FREM1: variants seen among roughly 807,000 people sequenced by gnomAD.
The protein encoded by FREM1 is FRAS1 related extracellular matrix 1, also known as FRAS1-related extracellular matrix protein 1.
FREM1 carries 220 observed loss-of-function variants against 210.1 expected under a neutral mutation model. The observed-to-expected ratio is 1.05, with a 90% CI of 0.94 to 1.17. FREM1 has a LOEUF of 1.17. Ranked by LOEUF, FREM1 falls within the 50% of genes most tolerant of loss-of-function variation. The pLI, the probability that FREM1 is intolerant of heterozygous loss-of-function variation, is 0.00. For synonymous variants in FREM1, 1,189 were observed against 980.2 expected (o/e 1.21, Z -3.98); for missense variants, 3,454 against 2,675.5 (o/e 1.29, Z -6.42).
At chr9:14,753,231 T>C (rs1843699587) in intron 29 of FREM1, among the ~76,000 whole-genome samples, 1 of 152,220 alleles carries the variant, frequency 6.6e-6, no homozygotes, top group South Asian at 2.1e-4. Context: ...TATTCCACTT[T>C]ACAGAGTAGG....
At chr9:14,803,007 C>G (rs1817581323) in intron 19 of FREM1, among the ~76,000 whole-genome samples, 1 of 143,522 alleles carries the variant, frequency 7.0e-6, no homozygotes, top group Non-Finnish European at 1.5e-5. Context: ...CCCTCCCTTC[C>G]TCCCTCCCTT....
At chr9:14,762,243 T>C (rs1415043615) in intron 27 of FREM1, among the ~76,000 whole-genome samples, 1 of 151,492 alleles carries the variant, frequency 6.6e-6, no homozygotes, top group Non-Finnish European at 1.5e-5. Context: ...AAAGATGAAA[T>C]GGGAAGGAAA....
At chr9:14,893,166 T>C (rs1256778650) in intron 1 of FREM1, among the ~76,000 whole-genome samples, 1 of 125,542 alleles carries the variant, frequency 8.0e-6, no homozygotes, top group Non-Finnish European at 1.6e-5. Flanking sequence ...TTGACTTCTC[T>C]CTTTCTCTCT....
chr9:14,836,448 A>G lies in FREM1; in HGVS notation c.1881+4999T>C, dbSNP rs1030989965. Reference sequence around the variant, plus strand: ...TGCTGCTTTTGGATTAACACCTAGTAAAGGAAAGGAAAATCTACAGGTACT... The same window carrying G: ...TGCTGCTTTTGGATTAACACCTAGTGAAGGAAAGGAAAATCTACAGGTACT... On this transcript the variant is annotated intron_variant, in intron 10 of 36. Coordinates refer to ENST00000380880, the MANE Select transcript of FREM1 (RefSeq NM_001379081.2). The surrounding 1 kb of genome is among the most constrained non-coding windows in gnomAD (Gnocchi z 4.9). 2.0e-5 allele frequency among the ~76,000 whole-genome samples: 3 copies of G among 152,232 alleles called. No homozygotes were observed. Among genetic ancestry groups the G allele is most frequent in the African/African-American group, 7.2e-5 (3 of 41,464 alleles).
intron 35 of FREM1, among the ~76,000 whole-genome samples, chr9:14,744,253 G>T (rs1343866304): frequency 2.6e-5 from 4 of 151,760 alleles, no homozygotes; most frequent in Admixed American, 6.6e-5. Context: ...AAAAATCTGG[G>T]TATAATTTAC....
chr9:14,803,088 C>T lies in FREM1; in HGVS notation c.3472-1214G>A, dbSNP rs543358174. On this transcript the variant is annotated intron_variant, in intron 19 of 36. Coordinates refer to ENST00000380880, the MANE Select transcript of FREM1 (RefSeq NM_001379081.2). ...TTCTTTCTTTCTCTTTCCTTCCTTC[C>T]TCTCTTCTTCTCTTTCCCTCCCTCC... 2.2e-3 allele frequency among the ~76,000 whole-genome samples: 312 copies of T among 142,234 alleles called. 1 individual carries two copies. The highest frequency in any genetic ancestry group is 3.6e-3 in the Non-Finnish European group (235 of 65,618). 93.3% of individuals were successfully genotyped at this position (142,234 alleles called of 152,430 possible).
intron 8 of FREM1, among the ~76,000 whole-genome samples, chr9:14,843,408 TC>T (rs1826024900): frequency 6.6e-6 from 1 of 152,186 alleles, no homozygotes; most frequent in Admixed American, 6.5e-5. Context: ...TCCTGGGCTT[TC>T]CTGGTTCTCC....
intron 26 of FREM1, 26 bp downstream of exon 26, chr9:14,770,579 A>G (rs116570001): frequency 0.027 from 42,153 of 1,567,966 alleles, 683 homozygotes; most frequent in Non-Finnish European, 0.032. Context: ...TAAAATGGCA[A>G]TTGTAAGGAT....
chr9:14,740,862 G>A (rs1587622878), intron 35 of FREM1, among the ~76,000 whole-genome samples: 1 of 152,004 alleles, frequency 6.6e-6, no homozygotes, highest in Admixed American at 6.6e-5. Context: ...TATTTTTGCA[G>A]CTAACTGAGT....
chr9:14,863,753 T>C lies in FREM1; in HGVS notation c.329+56A>G, dbSNP rs1427363240. The stretch of plus-strand genomic sequence containing the variant: ...TACATATCCACAAGAAAAGCCCTCA[T>C]AAGAACACAGAATGGTTACTTGGCA... On this transcript the variant is annotated intron_variant, in intron 3 of 36. Transcript: ENST00000380880. 2.8e-6 allele frequency: 3 copies of C among 1,062,196 alleles called. No homozygotes were observed. In the South Asian group the frequency reaches 3.9e-5, roughly 14 times the overall value. 65.8% of individuals were successfully genotyped at this position (1,062,196 alleles called of 1,614,324 possible).
Position 14,886,154 on chromosome 9 carries a change from A to T in FREM1, c.-267-16910T>A, listed in dbSNP as rs576454791. On this transcript the variant is annotated intron_variant, in intron 1 of 36. Transcript: ENST00000380880. ...GTAATCCCAGCACTTTGGGAGACCA[A>T]GGTGGGCGGATCACGAGGTCAAGAG... is the stretch of plus-strand genomic sequence containing the variant. Among the ~76,000 whole-genome samples, 3 of 152,294 alleles carry T rather than the reference A, an allele frequency of 2.0e-5. No homozygotes were observed. The South Asian group carries it at 6.2e-4, about 32-fold the overall frequency.
intron 24 of FREM1, among the ~76,000 whole-genome samples, chr9:14,778,836 A>G (rs930614395): frequency 2.0e-5 from 3 of 150,490 alleles, no homozygotes. Context: ...CGAGCTCAGG[A>G]GTTTGAGACC....
At chr9:14,825,563 A>G (rs1483610459) in intron 10 of FREM1, among the ~76,000 whole-genome samples, 2 of 141,894 alleles carry the variant, frequency 1.4e-5, no homozygotes, top group South Asian at 2.2e-4. Flanking sequence ...ATATATATAT[A>G]TATATATACC....
At chr9:14,740,731 A>G (rs1363305671) in intron 35 of FREM1, among the ~76,000 whole-genome samples, 6 of 152,236 alleles carry the variant, frequency 3.9e-5, no homozygotes, top group Admixed American at 3.3e-4. Context: ...TGACTTCATT[A>G]TACTCAATGA....
chr9:14,791,832 T>C (rs1851385450), intron 22 of FREM1, among the ~76,000 whole-genome samples: 2 of 150,408 alleles, frequency 1.3e-5, no homozygotes, highest in Admixed American at 6.7e-5. Flanking sequence ...TTGTTTTGTT[T>C]TGTTTTGTTT....
At chr9:14,880,804 C>T (rs769596757) in intron 1 of FREM1, among the ~76,000 whole-genome samples, 8 of 152,116 alleles carry the variant, frequency 5.3e-5, no homozygotes, top group Non-Finnish European at 1.0e-4. Flanking sequence ...GATGCATCTT[C>T]TGACAGCCAG....
chr9:14,821,454 G>A (rs962215259), intron 13 of FREM1, among the ~76,000 whole-genome samples: 6 of 152,102 alleles, frequency 3.9e-5, no homozygotes, highest in Admixed American at 3.9e-4. Context: ...CTCCATGATT[G>A]TTTTAGAGAA....
rs1330009101 is a variant in FREM1, at chr9:14,851,447, G to C, written c.989C>G (p.Pro330Arg). 2.5e-6 allele frequency: 4 copies of C among 1,613,856 alleles called. No individual in the cohort carries two copies. The highest frequency in any genetic ancestry group is 3.3e-5 in the Admixed American group (2 of 59,988). The change falls in exon 6 of 37, where the codon CCC (proline) becomes CGC (arginine). Residue 330 changes from proline (P) to arginine (R), a missense_variant. Physicochemically the swap from Pro to Arg is moderately radical, Grantham distance 103. Coordinates refer to ENST00000380880, the MANE Select transcript of FREM1 (RefSeq NM_001379081.2). Reference sequence around the variant, plus strand: ...TTTAGTAATGTTGAACACCAGCAAGGGTTTAGGGGTCTCATCTTCTTCACA... The same window carrying C: ...TTTAGTAATGTTGAACACCAGCAAGCGTTTAGGGGTCTCATCTTCTTCACA... ...LDCEEDETPK[P>R]LLVFNITKAP...
chr9:14,804,454 G>A (rs145342184), intron 19 of FREM1, among the ~76,000 whole-genome samples: 4,788 of 152,168 alleles, frequency 0.031, 96 homozygotes, highest in Non-Finnish European at 0.037. Flanking sequence ...GCGTGGTGGC[G>A]GGCACCTGCA....
Sources: allele counts gnomAD v4.1 joint callset (sites outside exome capture counted in the v4.1 genomes callset), GRCh38; gene constraint gnomAD v4.1.1; non-coding constraint Gnocchi (gnomAD v3.1); transcripts MANE v1.5; gene names NCBI Gene and HGNC (gene_info 2026-07-23, HGNC 2026-07-21).